PRKCQ: variants seen among roughly 807,000 people sequenced by gnomAD.
PRKCQ encodes the protein protein kinase C theta type.
A neutral mutation model predicts 91.2 loss-of-function variants in PRKCQ; 41 were observed. The observed-to-expected ratio is 0.45, with a 90% CI of 0.35 to 0.58. The LOEUF is 0.58. Ranked by LOEUF, PRKCQ falls within the 20% of genes least tolerant of loss-of-function variation. The probability of loss-of-function intolerance (pLI) is 0.00; values close to 1 mark genes in which losing one functional copy is unlikely to be tolerated. For missense variants in PRKCQ, 673 were observed against 896.5 expected, an observed-to-expected ratio of 0.75 and a Z score of 3.18; for synonymous variants, 307 against 316.9, an observed-to-expected ratio of 0.97 and a Z score of 0.33.
intron 15 of PRKCQ, among the ~76,000 whole-genome samples, chr10:6,452,493 C>T (rs1433468144): frequency 2.0e-5 from 3 of 151,676 alleles, no homozygotes; most frequent in Non-Finnish European, 4.4e-5. Context: ...AATGGCCATA[C>T]TGCCCAAGGT....
chr10:6,471,379 A>G (rs1373162389), intron 12 of PRKCQ, among the ~76,000 whole-genome samples: 3 of 152,218 alleles, frequency 2.0e-5, no homozygotes, highest in Non-Finnish European at 4.4e-5. Flanking sequence ...TGAGCGTCTG[A>G]ATGACAAGTA....
chr10:6,494,095 CT>C (rs1160310304), intron 7 of PRKCQ, among the ~76,000 whole-genome samples: 5 of 152,174 alleles, frequency 3.3e-5, no homozygotes, highest in Non-Finnish European at 7.3e-5. Flanking sequence ...GTTGCTTTCT[CT>C]TTTCCTTCCT....
At chr10:6,426,769 G>A (rs648731), downstream of PRKCQ, among the ~76,000 whole-genome samples, 32,341 of 152,094 alleles carry the variant, frequency 0.21, 3,629 homozygotes, top group Non-Finnish European at 0.24. Flanking sequence ...TAGTGACTCC[G>A]AATATTATGC....
At chr10:6,502,654 G>A (rs1387663592) in intron 4 of PRKCQ, among the ~76,000 whole-genome samples, 1 of 152,204 alleles carries the variant, frequency 6.6e-6, no homozygotes, top group Non-Finnish European at 1.5e-5. Flanking sequence ...GAGAATGGAT[G>A]GGATATGGCA....
At chr10:6,481,568 T>C (rs934402725) in intron 11 of PRKCQ, among the ~76,000 whole-genome samples, 9 of 152,242 alleles carry the variant, frequency 5.9e-5, no homozygotes, top group African/African-American at 2.2e-4. Context: ...TCAGCTACCA[T>C]GTGCTGGACA....
At chr10:6,467,253 G>A (rs906783743) in intron 12 of PRKCQ, among the ~76,000 whole-genome samples, 4 of 151,952 alleles carry the variant, frequency 2.6e-5, no homozygotes, top group African/African-American at 7.2e-5. Flanking sequence ...CTGGGCTGCC[G>A]TTTAGGTTCT....
At chr10:6,458,226 G>T (rs115195981) in intron 14 of PRKCQ, among the ~76,000 whole-genome samples, 1 of 152,224 alleles carries the variant, frequency 6.6e-6, no homozygotes, top group African/African-American at 2.4e-5. Context: ...GAGCCACTGC[G>T]CCTGGCCAGC....
At chr10:6,558,668 G>A (rs913719588) in intron 1 of PRKCQ, among the ~76,000 whole-genome samples, 1 of 152,180 alleles carries the variant, frequency 6.6e-6, no homozygotes, top group African/African-American at 2.4e-5. Context: ...ACAGCATGCT[G>A]GAATATCGTC....
At chr10:6,503,920 G>A (rs1679125795) in intron 4 of PRKCQ, among the ~76,000 whole-genome samples, 1 of 152,040 alleles carries the variant, frequency 6.6e-6, no homozygotes, top group Non-Finnish European at 1.5e-5. Flanking sequence ...GGGACTACAG[G>A]CATGTGCCAC....
At chr10:6,542,416 C>A (rs140187122) in intron 1 of PRKCQ, among the ~76,000 whole-genome samples, 1 of 152,194 alleles carries the variant, frequency 6.6e-6, no homozygotes, top group Admixed American at 6.5e-5. Flanking sequence ...AACCTGCATA[C>A]AGTAAATACT....
intron 4 of PRKCQ, among the ~76,000 whole-genome samples, chr10:6,507,223 A>G (rs527335392): frequency 1.3e-5 from 2 of 152,354 alleles, no homozygotes; most frequent in South Asian, 2.1e-4. Context: ...ACTTAAAACA[A>G]GTGCTATAAA....
chr10:6,494,390 T>C (rs140279481), intron 7 of PRKCQ, among the ~76,000 whole-genome samples: 133 of 152,300 alleles, frequency 8.7e-4, no homozygotes, highest in African/African-American at 3.1e-3. Flanking sequence ...CAGCCACTGT[T>C]CTCTGTCCAT....
chr10:6,397,099 A>G, the PRKCQ span, among the ~76,000 whole-genome samples: 1 of 151,834 alleles, frequency 6.6e-6, no homozygotes, highest in Non-Finnish European at 1.5e-5. Flanking sequence ...GTCTATTCAA[A>G]TTATTTGCCT....
At chr10:6,402,244 T>C in the PRKCQ span, among the ~76,000 whole-genome samples, 1 of 151,950 alleles carries the variant, frequency 6.6e-6, no homozygotes, top group Non-Finnish European at 1.5e-5. Flanking sequence ...AAATACCTAA[T>C]GTTGATGGGT....
chr10:6,418,579 C>G, the PRKCQ span, among the ~76,000 whole-genome samples: 1 of 152,196 alleles, frequency 6.6e-6, no homozygotes, highest in Non-Finnish European at 1.5e-5. Context: ...AGCTCAGGAG[C>G]CCTCAGTGCT....
chr10:6,561,472 CCT>C (rs1840633513), intron 1 of PRKCQ, among the ~76,000 whole-genome samples: 1 of 151,736 alleles, frequency 6.6e-6, no homozygotes, highest in South Asian at 2.1e-4. Context: ...GCTTCAGGAC[CCT>C]GTCAAATATT....
rs768711344 is a variant in PRKCQ at position 6,576,177 on chromosome 10, A to T, written c.-10+4034T>A. 1.3e-5 allele frequency among the ~76,000 whole-genome samples: 2 copies of T among 152,170 alleles called. No individual in the cohort carries two copies. The highest frequency in any genetic ancestry group is 2.9e-5 in the Non-Finnish European group (2 of 68,032). On this transcript the variant is annotated intron_variant, in intron 1 of 17. Transcript: ENST00000263125. The surrounding 1 kb of genome is among the most constrained non-coding windows in gnomAD (Gnocchi z 4.2). ...TCCTCAAAAAATTAAACATAGAATTACCCTACGACCCCACAATTCTACTGC... is the reference window on the plus strand; with the variant it reads ...TCCTCAAAAAATTAAACATAGAATTTCCCTACGACCCCACAATTCTACTGC...
intron 15 of PRKCQ, among the ~76,000 whole-genome samples, chr10:6,453,381 C>T (rs1433013625): frequency 6.6e-6 from 1 of 152,168 alleles, no homozygotes; most frequent in African/African-American, 2.4e-5. Context: ...TACCATCTCA[C>T]ACCAGTTAGA....
intron 1 of PRKCQ, among the ~76,000 whole-genome samples, chr10:6,545,382 G>C (rs1361576691): frequency 2.0e-5 from 3 of 152,244 alleles, no homozygotes; most frequent in Non-Finnish European, 2.9e-5. Context: ...GGCTTTCAAA[G>C]GTTAAACTGG....
Sources: gnomAD v4.1 joint callset for allele counts (sites outside exome capture counted in the v4.1 genomes callset) on GRCh38, gnomAD v4.1.1 for gene constraint, Gnocchi (gnomAD v3.1) non-coding constraint, MANE v1.5 for transcripts, NCBI Gene and HGNC (gene_info 2026-07-23, HGNC 2026-07-21) for gene names.